CNRIP1: variants seen among roughly 807,000 people sequenced by gnomAD.
CNRIP1 encodes CB1 cannabinoid receptor-interacting protein 1.
In CNRIP1, 10 loss-of-function variants were observed where a neutral mutation model predicts 15.2. The ratio of observed to expected loss-of-function variants is 0.66; its 90% CI spans 0.41 to 1.12. The LOEUF (loss-of-function observed/expected upper bound fraction) is 1.12, where lower values mean the gene tolerates loss of function less well. Among genes scored for constraint, CNRIP1 ranks in the 50% most tolerant of loss-of-function variants. CNRIP1 has a pLI of 0.00. For missense variants in CNRIP1, 211 were observed against 214.7 expected (o/e 0.98, Z 0.11); for synonymous variants, 91 against 83.2 (o/e 1.09, Z -0.51).
intron 2 of CNRIP1, among the ~76,000 whole-genome samples, chr2:68,285,100 C>T (rs759474865): frequency 3.9e-5 from 6 of 152,172 alleles, no homozygotes; most frequent in South Asian, 2.1e-4. Flanking sequence ...CACAAGTTCA[C>T]GCCAACTCAT....
intron 2 of CNRIP1, among the ~76,000 whole-genome samples, chr2:68,286,748 A>ATGATAC (rs1671040600): frequency 1.3e-5 from 2 of 152,120 alleles, no homozygotes; most frequent in African/African-American, 4.8e-5. Context: ...GGGTCTATAA[A>ATGATAC]CTTCTAGATG....
chr2:68,294,226 G>C (rs1386820545), intron 2 of CNRIP1, among the ~76,000 whole-genome samples, 200 bp from the exon 3 acceptor site: 1 of 152,188 alleles, frequency 6.6e-6, no homozygotes, highest in Non-Finnish European at 1.5e-5. Flanking sequence ...AAAGCTGTCT[G>C]TAAACCATTC....
intron 2 of CNRIP1, among the ~76,000 whole-genome samples, chr2:68,303,041 G>A (rs1012819521): frequency 1.3e-5 from 2 of 151,806 alleles, no homozygotes; most frequent in African/African-American, 2.4e-5. Context: ...TAGAGACGGG[G>A]TTTCACTGTG....
chr2:68,309,767 T>G (rs1438348340), intron 2 of CNRIP1, among the ~76,000 whole-genome samples: 6 of 152,078 alleles, frequency 3.9e-5, no homozygotes, highest in Non-Finnish European at 8.8e-5. Flanking sequence ...AAGAAAGAGA[T>G]CTGCAGAAGG....
At chr2:68,304,182 A>G (rs905406611) in intron 2 of CNRIP1, among the ~76,000 whole-genome samples, 13 of 151,750 alleles carry the variant, frequency 8.6e-5, no homozygotes, top group Non-Finnish European at 1.5e-4. Context: ...TGAGTTCAGG[A>G]GTTCAAGACC....
At chr2:68,300,746 C>T (rs1671575511) in intron 2 of CNRIP1, among the ~76,000 whole-genome samples, 1 of 151,894 alleles carries the variant, frequency 6.6e-6, no homozygotes, top group Non-Finnish European at 1.5e-5. Context: ...TGATAAACCC[C>T]TAACAAAACT....
chr2:68,309,121 C>T (rs766405), intron 2 of CNRIP1, among the ~76,000 whole-genome samples: 25,148 of 152,178 alleles, frequency 0.17, 3,063 homozygotes, highest in East Asian at 0.58. Context: ...TTAGAGCAAA[C>T]TTTCATAACC....
intron 2 of CNRIP1, among the ~76,000 whole-genome samples, chr2:68,308,992 G>T (rs1370360838): frequency 3.3e-5 from 5 of 152,112 alleles, no homozygotes; most frequent in African/African-American, 9.7e-5. Context: ...AGAAAAAAAA[G>T]TTAAAAAGCC....
chr2:68,305,259 A>AATAT (rs1553415390), intron 2 of CNRIP1, among the ~76,000 whole-genome samples: 7 of 100,358 alleles, frequency 7.0e-5, no homozygotes, highest in African/African-American at 1.8e-4. Context: ...AAAAAAAAAA[A>AATAT]ATATATATAT....
chr2:68,316,402 A>C (rs929775866), intron 2 of CNRIP1: 1 of 152,160 alleles, frequency 6.6e-6, no homozygotes, highest in African/African-American at 2.4e-5. Context: ...CAGAGGGAAA[A>C]GGCTGCCCAG....
chr2:68,303,827 A>T (rs907977944), intron 2 of CNRIP1, among the ~76,000 whole-genome samples: 2 of 152,320 alleles, frequency 1.3e-5, no homozygotes, highest in Non-Finnish European at 2.9e-5. Context: ...CTGTAATCCC[A>T]GGACTTTGGG....
intron 2 of CNRIP1, among the ~76,000 whole-genome samples, chr2:68,311,132 C>T (rs1672058838): frequency 6.6e-6 from 1 of 152,054 alleles, no homozygotes; most frequent in Non-Finnish European, 1.5e-5. Context: ...TTTAACAAAA[C>T]AATGGTTAAT....
chr2:68,306,851 T>C (rs1292169213), intron 2 of CNRIP1, among the ~76,000 whole-genome samples: 2 of 151,956 alleles, frequency 1.3e-5, no homozygotes, highest in Non-Finnish European at 2.9e-5. Flanking sequence ...AAAGTCAGAT[T>C]CTCGAATACT....
intron 2 of CNRIP1, among the ~76,000 whole-genome samples, chr2:68,306,321 C>CA (rs35066190): frequency 0.015 from 1,250 of 85,380 alleles, 19 homozygotes; most frequent in East Asian, 0.054. Context: ...GATCCTATCT[C>CA]AAAAAAAAAA....
At chr2:68,304,278 A>G (rs1382532326) in intron 2 of CNRIP1, among the ~76,000 whole-genome samples, 1 of 150,974 alleles carries the variant, frequency 6.6e-6, no homozygotes, top group Admixed American at 6.6e-5. Flanking sequence ...GTGGGTGCCT[A>G]TAATCCCAGC....
At chr2:68,284,578 A>T in intron 2 of CNRIP1, 1 of 718,200 alleles carries the variant, frequency 1.4e-6, no homozygotes, top group Non-Finnish European at 2.2e-6. Context: ...TTGGGAGGCC[A>T]AGGCAGGCAG....
downstream of CNRIP1, among the ~76,000 whole-genome samples, chr2:68,289,029 C>G (rs1304307388): frequency 6.6e-6 from 1 of 152,082 alleles, no homozygotes; most frequent in East Asian, 1.9e-4. Context: ...TAAATTTGAG[C>G]CTTATTTTTG....
At chr2:68,288,412 A>T (rs1419545804), downstream of CNRIP1, among the ~76,000 whole-genome samples, 2 of 152,098 alleles carry the variant, frequency 1.3e-5, no homozygotes, top group East Asian at 3.9e-4. Flanking sequence ...ACTGCTTTGG[A>T]CTTGGTAGAT....
intron 2 of CNRIP1, among the ~76,000 whole-genome samples, chr2:68,287,819 CAAGT>C (rs1477192890): frequency 3.3e-5 from 5 of 152,184 alleles, no homozygotes; most frequent in African/African-American, 9.7e-5. Context: ...GTAAGCAGCA[CAAGT>C]AATTACCCTG....
Sources: allele counts gnomAD v4.1 joint callset (sites outside exome capture counted in the v4.1 genomes callset), GRCh38; gene constraint gnomAD v4.1.1; transcripts MANE v1.5; gene names NCBI Gene and HGNC (gene_info 2026-07-23, HGNC 2026-07-21).